Variants in CYP2D6 observed in about 807,000 individuals in gnomAD.
The protein encoded by CYP2D6 is cytochrome P450 family 2 subfamily D member 6 (gene/pseudogene).
CYP2D6 carries 51 observed loss-of-function variants against 43.5 expected under a neutral mutation model. The ratio of observed to expected loss-of-function variants is 1.17; its 90% CI spans 0.94 to 1.48. The LOEUF is 1.48. Ranked by LOEUF, CYP2D6 falls within the 40% of genes most tolerant of loss-of-function variation. The pLI is 0.00. For synonymous variants in CYP2D6, 346 were observed against 297.1 expected, an observed-to-expected ratio of 1.16 and a Z score of -1.69; for missense variants, 698 against 688.0, an observed-to-expected ratio of 1.01 and a Z score of -0.16.
Position 42,129,910 on chromosome 22 carries a change from C to T in CYP2D6, c.181-1G>A. 1 of 1,556,940 alleles carries T rather than the reference C, an allele frequency of 6.4e-7. No homozygotes were observed. The highest frequency in any genetic ancestry group is 8.7e-7 in the Non-Finnish European group (1 of 1,151,716). On this transcript the variant is annotated splice_acceptor_variant, in intron 1 of 8. Transcript: ENST00000645361. LOFTEE classifies it high-confidence loss of function. ...ACACGTCCCCGAAGCGGCGCCGCAACTGCAGAGGGAGGGTCAGGGCCTCTT... is the reference window on the plus strand; with the variant it reads ...ACACGTCCCCGAAGCGGCGCCGCAATTGCAGAGGGAGGGTCAGGGCCTCTT...
chr22:42,129,600 G>C, intron 2 of CYP2D6, 138 bp downstream of exon 2: 2 of 1,167,970 alleles, frequency 1.7e-6, no homozygotes, highest in Non-Finnish European at 2.5e-6. Flanking sequence ...CCTAGTGCAG[G>C]TGGTTTCTTG....
chr22:42,130,016 A>C (rs1255737554), intron 1 of CYP2D6, 107 bp from the exon 2 acceptor site: 2 of 1,091,512 alleles, frequency 1.8e-6, no homozygotes, highest in African/African-American at 3.9e-5. Flanking sequence ...AGGAGTGAGC[A>C]GGTGGAAGGA....
Position 42,126,696 on chromosome 22 carries a change from T to C in CYP2D6, c.1372A>G (p.Thr458Ala), listed in dbSNP as rs375715419. The change falls in exon 9 of 9, where the codon ACC becomes GCC. Residue 458 changes from threonine to alanine, a missense_variant. Physicochemically the swap from Thr to Ala is moderately conservative, Grantham distance 58 (BLOSUM62 0). Around this residue, in one of 5 missense-constraint regions of CYP2D6, gnomAD observed 85 missense variants for 81.2 expected, o/e 1.05. Transcript: ENST00000645361. ...LARMELFLFF[T>A]SLLQHFSFSV... is the part of the protein sequence containing the mutation. ...AAGCTGAAGTGCTGCAGCAGGGAGG[T>C]GAAGAAGAGGAAGAGCTCCATGCGG... The C allele has an allele frequency of 5.5e-5, 86 of 1,576,926 alleles. No homozygotes were observed. The highest frequency in any genetic ancestry group is 7.0e-5 in the Non-Finnish European group (82 of 1,164,184).
chr22:42,127,921 C>T lies in CYP2D6; in HGVS notation c.906G>A (p.Leu302=), dbSNP rs759070183. Residue 302 remains leucine (L), a synonymous_variant, in exon 6 of 9, where the codon CTG becomes CTA. Transcript: ENST00000645361. ...DENLRIVVAD[L]FSAGMVTTST... ...AGGTGGTCACCATCCCGGCAGAGAACAGGTCAGCCACCACTATGCGCAGGT... is the reference window on the plus strand; with the variant it reads ...AGGTGGTCACCATCCCGGCAGAGAATAGGTCAGCCACCACTATGCGCAGGT... 1.2e-6 allele frequency: 2 copies of T among 1,611,176 alleles called. No individual in the cohort carries two copies. The highest frequency in any genetic ancestry group is 2.2e-5 in the South Asian group (2 of 90,924).
intron 8 of CYP2D6, 47 bp from the exon 9 acceptor site, chr22:42,126,799 C>G: frequency 6.5e-7 from 1 of 1,546,070 alleles, no homozygotes; most frequent in South Asian, 1.2e-5. Context: ...CTGGGTGATA[C>G]CCCTGCAAGA....
chr22:42,127,808 C>T (rs778008354), intron 6 of CYP2D6, 34 bp downstream of exon 6: 3 of 1,608,462 alleles, frequency 1.9e-6, no homozygotes, highest in Non-Finnish European at 2.6e-6. Flanking sequence ...CCCTTCCTCC[C>T]TCGGCCCCTG....
At chr22:42,128,731 G>C (rs1424815029) in intron 4 of CYP2D6, 53 bp downstream of exon 4, 2 of 1,573,504 alleles carry the variant, frequency 1.3e-6, no homozygotes, top group Non-Finnish European at 1.7e-6. Flanking sequence ...GTCCAGCCCC[G>C]GCACCTCTCG....
rs1749405014 is a variant in CYP2D6 at position 42,127,905 on chromosome 22, CCAT to C, written c.919_921del (p.Met307del). ...CAGGCCAGCGTGGTCGAGGTGGTCA[CCAT>C]CCCGGCAGAGAACAGGTCAGCCACC... On this transcript the variant is annotated inframe_deletion, in exon 6 of 9. Transcript: ENST00000645361. The C allele has an allele frequency of 6.2e-7, 1 of 1,611,134 alleles. No homozygotes were observed. The highest frequency in any genetic ancestry group is 8.5e-7 in the Non-Finnish European group (1 of 1,178,122).
Position 42,128,171 on chromosome 22 carries a change from C to G in CYP2D6, c.843+3G>C, listed in dbSNP as rs991361857. 6.2e-7 allele frequency: 1 copy of G among 1,602,554 alleles called. No individual in the cohort carries two copies. Among genetic ancestry groups the G allele is most frequent in the Admixed American group, 1.7e-5 (1 of 58,798 alleles). ...TGCCCCCCACCGTGGCAGCCACTCT[C>G]ACCTTCTCCATCTCTGCCAGGAAGG... is the stretch of plus-strand genomic sequence containing the variant. On this transcript the variant is annotated splice_donor_region_variant and intron_variant, in intron 5 of 8. Transcript: ENST00000645361.
chr22:42,128,061 A>G (rs1931235539), intron 5 of CYP2D6, 78 bp from the exon 6 acceptor site: 3 of 1,601,844 alleles, frequency 1.9e-6, no homozygotes, highest in Non-Finnish European at 2.6e-6. Flanking sequence ...CTGTCAGCCC[A>G]GATGCGGCTC....
At position 42,128,858 on chromosome 22, in the gene CYP2D6, C is replaced by T. The variant is rs763284150; in HGVS notation, c.592G>A (p.Asp198Asn). Reference sequence around the variant, plus strand: ...AGCAGCCTGAGGAAGCGAGGGTCGTCGTACTCGAAGCGGCGCCCGCAGGTG... The same window carrying T: ...AGCAGCCTGAGGAAGCGAGGGTCGTTGTACTCGAAGCGGCGCCCGCAGGTG... ...SLTCGRRFEYDDPRFLRLLDL... is the reference protein window; with the variant it reads ...SLTCGRRFEYNDPRFLRLLDL... The change falls in exon 4 of 9, where the codon GAC becomes AAC. Residue 198 changes from aspartate to asparagine, a missense_variant. Physicochemically the swap from Asp to Asn is conservative, Grantham distance 23 (BLOSUM62 1). Coordinates refer to ENST00000645361, the MANE Select transcript of CYP2D6 (RefSeq NM_000106.6). 8 of 1,604,816 alleles carry T rather than the reference C, an allele frequency of 5.0e-6. No homozygotes were observed. The highest frequency in any genetic ancestry group is 6.0e-6 in the Non-Finnish European group (7 of 1,175,234).
rs267608319 is a variant in CYP2D6 at position 42,126,749 on chromosome 22, C to T, written c.1319G>A (p.Arg440His). Reference sequence around the variant, plus strand: ...CAGGGGCTCCCCGAGGCATGCACGGCGGCCTGTGGGGAGGGGAGGGGCGTC... The same window carrying T: ...CAGGGGCTCCCCGAGGCATGCACGGTGGCCTGTGGGGAGGGGAGGGGCGTC... ...PEAFLPFSAG[R>H]RACLGEPLAR... Residue 440 changes from arginine to histidine, a missense_variant, in exon 9 of 9, where the codon CGC becomes CAC. Physicochemically the swap from Arg to His is conservative, Grantham distance 29. Coordinates refer to ENST00000645361, the MANE Select transcript of CYP2D6 (RefSeq NM_000106.6). 258 of 1,549,504 alleles carry T rather than the reference C, an allele frequency of 1.7e-4. 5 individuals are homozygous for T. Among genetic ancestry groups the T allele is most frequent in the Admixed American group, 1.1e-3 (56 of 50,940 alleles).
intron 1 of CYP2D6, 74 bp downstream of exon 1, chr22:42,130,538 C>CA (rs1931941699): frequency 7.7e-7 from 1 of 1,292,228 alleles, no homozygotes; most frequent in African/African-American, 1.6e-5. Flanking sequence ...CCTGTGGTTT[C>CA]ACCCACCATC....
In CYP2D6 at chr22:42,129,290, T is replaced by C. The variant is rs548405543; in HGVS notation, c.353-105A>G. 201 of 1,407,680 alleles carry C rather than the reference T, an allele frequency of 1.4e-4. 2 individuals are homozygous for C. The highest frequency in any genetic ancestry group is 6.4e-4 in the African/African-American group (45 of 70,244). 87.2% of individuals were successfully genotyped at this position (1,407,680 alleles called of 1,614,324 possible). On this transcript the variant is annotated intron_variant, in intron 2 of 8. Transcript: ENST00000645361. ...CCCCTGGTCTCCCGCAGTCCCTGGC[T>C]CTGTCCAGCTGGTCACAGGGCCCAC... is the stretch of plus-strand genomic sequence containing the variant.
chr22:42,128,157 G>A lies in CYP2D6; in HGVS notation c.843+17C>T, dbSNP rs375372852. The A allele has an allele frequency of 2.7e-5, 43 of 1,597,348 alleles. 1 individual carries two copies. The Middle Eastern group carries it at 5.0e-4, about 19-fold the overall frequency. On this transcript the variant is annotated intron_variant, in intron 5 of 8. Transcript: ENST00000645361. The stretch of plus-strand genomic sequence containing the variant: ...CAACCCACCACCCTTGCCCCCCACC[G>A]TGGCAGCCACTCTCACCTTCTCCAT...
rs761708830 is a variant in CYP2D6 at position 42,128,854 on chromosome 22, T to G, written c.596A>C (p.Asp199Ala). 3 of 1,604,630 alleles carry G rather than the reference T, an allele frequency of 1.9e-6. No individual in the cohort carries two copies. Among genetic ancestry groups the G allele is most frequent in the South Asian group, 2.2e-5 (2 of 89,708 alleles). Residue 199 changes from aspartate (D) to alanine (A), a missense_variant, in exon 4 of 9, where the codon GAC (aspartate) becomes GCC (alanine). Asp to Ala is a moderately radical substitution (Grantham distance 126). Coordinates refer to ENST00000645361, the MANE Select transcript of CYP2D6 (RefSeq NM_000106.6). ...LTCGRRFEYD[D>A]PRFLRLLDLA... ...GTCCAGCAGCCTGAGGAAGCGAGGG[T>G]CGTCGTACTCGAAGCGGCGCCCGCA... is the stretch of plus-strand genomic sequence containing the variant.
Position 42,129,173 on chromosome 22 carries a change from G to A in CYP2D6, c.365C>T (p.Ala122Val), listed in dbSNP as rs377591409. 3.1e-5 allele frequency: 50 copies of A among 1,605,376 alleles called. 1 individual carries two copies. Among genetic ancestry groups the A allele is most frequent in the Middle Eastern group, 3.3e-4 (2 of 6,056 alleles). Residue 122 changes from alanine to valine, a missense_variant, in exon 3 of 9, where the codon GCG becomes GTG. Ala to Val is a moderately conservative substitution (Grantham distance 64, BLOSUM62 0). Transcript: ENST00000645361. ...CTCGCGCCACGCGGGCCCATAGCGC[G>A]CCAGGAACACCCCTGGGGGTGGGAC... ...FGPRSQGVFL[A>V]RYGPAWREQR...
rs1376020733 is a variant in CYP2D6 at position 42,129,268 on chromosome 22, C to A, written c.353-83G>T. The A allele has an allele frequency of 1.1e-5, 16 of 1,512,144 alleles. No homozygotes were observed. The highest frequency in any genetic ancestry group is 4.6e-5 in the South Asian group (4 of 86,214). 93.7% of individuals were successfully genotyped at this position (1,512,144 alleles called of 1,614,324 possible). A position where few individuals can be genotyped will look rare whatever the true frequency, so the allele number is the denominator to read the frequency against. On this transcript the variant is annotated intron_variant, in intron 2 of 8. Coordinates refer to ENST00000645361, the MANE Select transcript of CYP2D6 (RefSeq NM_000106.6). ...CACCCACTCCAACCCTATGCTCCCC[C>A]TGGTCTCCCGCAGTCCCTGGCTCTG...
At position 42,129,146 on chromosome 22, in the gene CYP2D6, T is replaced by C; in HGVS notation, c.392A>G (p.Gln131Arg). 6.2e-7 allele frequency: 1 copy of C among 1,609,252 alleles called. No homozygotes were observed. ...LARYGPAWRE[Q>R]RRFSVSTLRN... ...CAAGGTGGACACGGAGAAGCGCCTCTGCTCGCGCCACGCGGGCCCATAGCG... is the reference window on the plus strand; with the variant it reads ...CAAGGTGGACACGGAGAAGCGCCTCCGCTCGCGCCACGCGGGCCCATAGCG... The change falls in exon 3 of 9, where the codon CAG becomes CGG. Residue 131 changes from glutamine to arginine, a missense_variant. By Grantham distance (43) the Gln-to-Arg change is conservative. Transcript: ENST00000645361.
Sources: gnomAD v4.1 joint callset for allele counts on GRCh38, gnomAD v4.1.1 for gene constraint, gnomAD v4.1.1 regional missense constraint, MANE v1.5 for transcripts, NCBI Gene and HGNC (gene_info 2026-07-23, HGNC 2026-07-21) for gene names.